Variants in APBB2 observed in about 807,000 individuals in gnomAD.
APBB2 encodes the protein amyloid beta precursor protein binding family B member 2.
A neutral mutation model predicts 82.5 loss-of-function variants in APBB2; 38 were observed. The ratio of observed to expected loss-of-function variants is 0.46; its 90% confidence interval spans 0.36 to 0.60. APBB2 has a LOEUF of 0.60. Ranked by LOEUF, APBB2 falls within the 20% of genes least tolerant of loss-of-function variation. The pLI is 0.00. For missense variants in APBB2, 772 were observed against 972.3 expected (o/e 0.79, Z 2.74); for synonymous variants, 341 against 368.2 (o/e 0.93, Z 0.85).
intron 12 of APBB2, among the ~76,000 whole-genome samples, chr4:40,878,476 C>G (rs958754640): frequency 1.3e-5 from 2 of 152,172 alleles, no homozygotes; most frequent in African/African-American, 4.8e-5. Flanking sequence ...ATCACGTTAC[C>G]TGCCTGTTTG....
intron 5 of APBB2, among the ~76,000 whole-genome samples, chr4:41,022,117 G>A (rs966017023): frequency 6.6e-6 from 1 of 152,188 alleles, no homozygotes; most frequent in Non-Finnish European, 1.5e-5. Flanking sequence ...CCACCAGAAG[G>A]AATAAATTCC....
chr4:41,135,887 T>A (rs920451635), intron 2 of APBB2, among the ~76,000 whole-genome samples: 4 of 152,300 alleles, frequency 2.6e-5, no homozygotes, highest in Admixed American at 1.3e-4. Flanking sequence ...CCCATGCTGG[T>A]CTCAAGCTCC....
At chr4:40,909,861 C>G (rs567339736) in intron 10 of APBB2, among the ~76,000 whole-genome samples, 107 of 152,294 alleles carry the variant, frequency 7.0e-4, no homozygotes, top group Non-Finnish European at 9.3e-4. Flanking sequence ...TTGCCACAAG[C>G]TGCATGCTTT....
At chr4:40,958,642 G>C (rs1360509359) in intron 6 of APBB2, among the ~76,000 whole-genome samples, 3 of 152,098 alleles carry the variant, frequency 2.0e-5, no homozygotes, top group Non-Finnish European at 4.4e-5. Flanking sequence ...GCCTTGCTTT[G>C]TCACCCAGGC....
intron 1 of APBB2, among the ~76,000 whole-genome samples, chr4:41,187,563 T>C (rs188206525): frequency 1.2e-4 from 18 of 152,344 alleles, no homozygotes; most frequent in African/African-American, 4.3e-4. Flanking sequence ...TGGACGACTG[T>C]TCAGCTCATC....
intron 3 of APBB2, among the ~76,000 whole-genome samples, chr4:41,067,710 T>A (rs1286202145): frequency 6.6e-6 from 1 of 152,118 alleles, no homozygotes; most frequent in Non-Finnish European, 1.5e-5. Flanking sequence ...TACCACGGGA[T>A]AGAAAGAGAT....
chr4:40,825,848 A>G, intron 15 of APBB2, 39 bp downstream of exon 15: 1 of 1,572,202 alleles, frequency 6.4e-7, no homozygotes, highest in Middle Eastern at 1.7e-4. Flanking sequence ...GAGCTCCCGC[A>G]CACTTGCAAA....
chr4:41,064,656 C>T (rs896414025), intron 4 of APBB2, among the ~76,000 whole-genome samples: 2 of 152,078 alleles, frequency 1.3e-5, no homozygotes, highest in Admixed American at 1.3e-4. Flanking sequence ...TCAGGGGTAA[C>T]GACAAATAGG....
chr4:41,052,976 G>A (rs1579596262), intron 4 of APBB2, among the ~76,000 whole-genome samples: 3 of 152,028 alleles, frequency 2.0e-5, no homozygotes, highest in African/African-American at 7.2e-5. Flanking sequence ...TGTTGGCCAG[G>A]CTGGTCTCAA....
At chr4:40,981,350 C>G (rs185440220) in intron 6 of APBB2, among the ~76,000 whole-genome samples, 1 of 151,600 alleles carries the variant, frequency 6.6e-6, no homozygotes, top group Non-Finnish European at 1.5e-5. Context: ...CCACTGTACT[C>G]TGGCCTGGCG....
intron 3 of APBB2, among the ~76,000 whole-genome samples, chr4:41,091,745 C>T (rs1286503709): frequency 3.3e-5 from 5 of 152,018 alleles, no homozygotes; most frequent in Non-Finnish European, 2.9e-5. Flanking sequence ...GTACTTTTTT[C>T]TTAATCCCAG....
intron 3 of APBB2, among the ~76,000 whole-genome samples, chr4:41,073,614 CAGTATACCT>C: frequency 6.6e-6 from 1 of 152,290 alleles, no homozygotes; most frequent in African/African-American, 2.4e-5. Flanking sequence ...AGACCACATA[CAGTATACCT>C]AAATCCTGAC....
intron 1 of APBB2, among the ~76,000 whole-genome samples, chr4:41,153,380 A>T (rs1762741696): frequency 6.6e-6 from 1 of 152,222 alleles, no homozygotes; most frequent in African/African-American, 2.4e-5. Context: ...TAAACTAATC[A>T]TCTTCTCCCA....
At chr4:41,204,116 G>A (rs1197720349) in intron 1 of APBB2, among the ~76,000 whole-genome samples, 1 of 152,204 alleles carries the variant, frequency 6.6e-6, no homozygotes, top group Non-Finnish European at 1.5e-5. Flanking sequence ...AGGGATGGTC[G>A]CAGGCAATGG....
chr4:41,044,873 C>G (rs1560601891), intron 4 of APBB2, among the ~76,000 whole-genome samples: 1 of 152,004 alleles, frequency 6.6e-6, no homozygotes, highest in Non-Finnish European at 1.5e-5. Flanking sequence ...AAAGTAGTTT[C>G]AATTTTTTTC....
chr4:41,059,690 G>C lies in APBB2; in HGVS notation c.-51+5886C>G, dbSNP rs141300914. On this transcript the variant is annotated intron_variant, in intron 4 of 17. Transcript: ENST00000508593. ...GCCCATCCCTTCATTTCCCTTAAGT[G>C]ATACTTTTAGTTAATTTATTATTTA... 1.4e-3 allele frequency among the ~76,000 whole-genome samples: 217 copies of C among 152,336 alleles called. 1 individual carries two copies. The East Asian group carries it at 0.017, about 12-fold the overall frequency.
At chr4:41,065,226 A>G (rs1731296297) in intron 4 of APBB2, among the ~76,000 whole-genome samples, 1 of 152,096 alleles carries the variant, frequency 6.6e-6, no homozygotes, top group Non-Finnish European at 1.5e-5. Context: ...TCGAAGCTAC[A>G]GTGAGCTGTG....
At chr4:40,973,565 C>T (rs1008425928) in intron 6 of APBB2, among the ~76,000 whole-genome samples, 4 of 152,208 alleles carry the variant, frequency 2.6e-5, no homozygotes, top group Non-Finnish European at 2.9e-5. Flanking sequence ...TTTCCTAGGG[C>T]TGCTGTACCA....
rs532935619 is a variant in APBB2 at position 40,908,551 on chromosome 4, G to A, written c.1255-15140C>T. ...CACCCCATACACGTGTGCACAACAC[G>A]CCTCCTCCCCTCCTCACAATCTTGG... On this transcript the variant is annotated intron_variant, in intron 10 of 17. Transcript: ENST00000508593. Among the ~76,000 whole-genome samples the A allele has an allele frequency of 1.4e-4, 22 of 152,100 alleles. No individual in the cohort carries two copies. In the South Asian group the frequency reaches 1.7e-3, roughly 11 times the overall value.
Sources: allele counts gnomAD v4.1 joint callset (sites outside exome capture counted in the v4.1 genomes callset), GRCh38; gene constraint gnomAD v4.1.1; transcripts MANE v1.5; gene names NCBI Gene and HGNC (gene_info 2026-07-23, HGNC 2026-07-21).